PCSK5: variants seen among roughly 807,000 people sequenced by gnomAD.
PCSK5 encodes the protein prohormone convertase 5.
Under a neutral mutation model 233.2 loss-of-function variants are expected in PCSK5, and 129 were observed. The ratio of observed to expected loss-of-function variants is 0.55; its 90% CI spans 0.48 to 0.64. The LOEUF (loss-of-function observed/expected upper bound fraction) is 0.64, where lower values mean the gene tolerates loss of function less well. Among genes scored for constraint, PCSK5 ranks in the 30% least tolerant of loss-of-function variants. The pLI, the probability that PCSK5 is intolerant of heterozygous loss-of-function variation, is 0.00. For missense variants in PCSK5, 2,076 were observed against 2,430.1 expected (o/e 0.85, Z 3.06); for synonymous variants, 825 against 879.2 (o/e 0.94, Z 1.09).
At chr9:76,315,014 G>A (rs1348266931) in intron 30 of PCSK5, among the ~76,000 whole-genome samples, 1 of 151,072 alleles carries the variant, frequency 6.6e-6, no homozygotes, top group African/African-American at 2.4e-5. Context: ...AGGCAATGGC[G>A]CCATCTCAGC....
intron 2 of PCSK5, among the ~76,000 whole-genome samples, chr9:75,935,831 A>G (rs1434989571): frequency 6.6e-6 from 1 of 152,206 alleles, no homozygotes; most frequent in Non-Finnish European, 1.5e-5. Context: ...TGTTCTTCTC[A>G]GTACATCAGA....
At chr9:76,233,728 C>A in intron 22 of PCSK5, 132 bp downstream of exon 22, 1 of 786,442 alleles carries the variant, frequency 1.3e-6, no homozygotes, top group Non-Finnish European at 2.0e-6. Context: ...CACTGGAGAG[C>A]GTGTACAACC....
intron 24 of PCSK5, among the ~76,000 whole-genome samples, chr9:76,273,926 G>C (rs956226750): frequency 2.7e-5 from 4 of 150,490 alleles, no homozygotes; most frequent in African/African-American, 9.8e-5. Flanking sequence ...GTGATTGCCA[G>C]CATGAGCCAC....
intron 37 of PCSK5, among the ~76,000 whole-genome samples, chr9:76,357,986 C>G (rs1411707562): frequency 6.6e-6 from 1 of 152,126 alleles, no homozygotes; most frequent in Admixed American, 6.5e-5. Flanking sequence ...TTAGCAATAA[C>G]TAAAGCTTAG....
chr9:76,046,155 C>CTTTT (rs1829362984), intron 5 of PCSK5, among the ~76,000 whole-genome samples: 23 of 55,710 alleles, frequency 4.1e-4, no homozygotes, highest in African/African-American at 8.8e-4. Context: ...ATAATTTTTT[C>CTTTT]TTTTGTTTTT....
chr9:76,098,032 A>T (rs146323968), intron 8 of PCSK5, among the ~76,000 whole-genome samples: 1 of 152,228 alleles, frequency 6.6e-6, no homozygotes, highest in Non-Finnish European at 1.5e-5. Flanking sequence ...CCCGCAGTCC[A>T]TAGGGGATAG....
chr9:76,352,140 C>T (rs1415368015), intron 36 of PCSK5, among the ~76,000 whole-genome samples: 2 of 152,128 alleles, frequency 1.3e-5, no homozygotes, highest in African/African-American at 4.8e-5. Flanking sequence ...TGCTGCTTGC[C>T]CATCTTTATG....
At chr9:75,915,186 C>T (rs1317624615) in intron 1 of PCSK5, among the ~76,000 whole-genome samples, 1 of 152,148 alleles carries the variant, frequency 6.6e-6, no homozygotes. Context: ...GATGCCTTTA[C>T]CCATGACTGC....
rs151064518 is a variant in PCSK5, at chr9:76,226,146, G to A, written c.2627-1357G>A. On this transcript the variant is annotated intron_variant, in intron 20 of 37. Coordinates refer to ENST00000674117, the MANE Select transcript of PCSK5 (RefSeq NM_001372043.1). Reference sequence around the variant, plus strand: ...AGGAACAGAGCCCGGGGTGTGCAGGGTGTGCTGTGATTAGATGTTTGCATC... The same window carrying A: ...AGGAACAGAGCCCGGGGTGTGCAGGATGTGCTGTGATTAGATGTTTGCATC... Among the ~76,000 whole-genome samples the A allele has an allele frequency of 7.1e-3, 1,085 of 152,258 alleles. 7 individuals are homozygous for A. The highest frequency in any genetic ancestry group is 0.01 in the Non-Finnish European group (696 of 68,020).
chr9:76,148,971 G>T (rs1823560971), intron 10 of PCSK5, among the ~76,000 whole-genome samples: 1 of 152,066 alleles, frequency 6.6e-6, no homozygotes, highest in Non-Finnish European at 1.5e-5. Flanking sequence ...AAATATTCTG[G>T]TCTCATTACC....
At chr9:75,965,868 G>C (rs565124395) in intron 2 of PCSK5, among the ~76,000 whole-genome samples, 1 of 152,282 alleles carries the variant, frequency 6.6e-6, no homozygotes, top group Non-Finnish European at 1.5e-5. Context: ...TTCTTGGGAA[G>C]AACAATATCC....
intron 3 of PCSK5, among the ~76,000 whole-genome samples, chr9:75,994,469 G>GGCTGGAAT (rs1826924104): frequency 7.9e-6 from 1 of 126,360 alleles, no homozygotes; most frequent in Non-Finnish European, 1.6e-5. Context: ...CTGTCGCCCA[G>GGCTGGAAT]GCTGGAATGC....
intron 12 of PCSK5, among the ~76,000 whole-genome samples, chr9:76,162,570 GAAGGAATTT>G (rs1309507308): frequency 6.6e-6 from 1 of 152,158 alleles, no homozygotes; most frequent in Non-Finnish European, 1.5e-5. Context: ...TCAGGTTTTA[GAAGGAATTT>G]GCCAGAGATG....
At chr9:76,015,461 G>A (rs1827910388) in intron 3 of PCSK5, among the ~76,000 whole-genome samples, 1 of 152,116 alleles carries the variant, frequency 6.6e-6, no homozygotes, top group African/African-American at 2.4e-5. Flanking sequence ...ATTGATTTAT[G>A]AATGATTATT....
At position 75,942,760 on chromosome 9, in the gene PCSK5, A is replaced by G. The variant is rs541754502; in HGVS notation, c.297+10277A>G. Among the ~76,000 whole-genome samples the G allele has an allele frequency of 4.6e-5, 7 of 152,270 alleles. No homozygotes were observed. In the East Asian group the frequency reaches 5.8e-4, roughly 13 times the overall value. ...AAAAGTGACGGCCATAAAAATAGGAAAAGAGTATGATGAGGGGAGGCAGGT... is the reference window on the plus strand; with the variant it reads ...AAAAGTGACGGCCATAAAAATAGGAGAAGAGTATGATGAGGGGAGGCAGGT... On this transcript the variant is annotated intron_variant, in intron 2 of 37. Coordinates refer to ENST00000674117, the MANE Select transcript of PCSK5 (RefSeq NM_001372043.1).
intron 9 of PCSK5, among the ~76,000 whole-genome samples, chr9:76,112,341 A>G (rs1587643283): frequency 6.6e-6 from 1 of 152,168 alleles, no homozygotes; most frequent in African/African-American, 2.4e-5. Context: ...CTTACATTTC[A>G]TATCTCAGAG....
chr9:76,001,525 G>A (rs1012576435), intron 3 of PCSK5, among the ~76,000 whole-genome samples: 21 of 126,594 alleles, frequency 1.7e-4, no homozygotes, highest in African/African-American at 6.1e-4. Flanking sequence ...CTCTACTGTC[G>A]TTGGAAGGTT....
At chr9:76,159,313 T>G in intron 12 of PCSK5, 142 bp downstream of exon 12, 1 of 682,486 alleles carries the variant, frequency 1.5e-6, no homozygotes, top group Non-Finnish European at 2.4e-6. Context: ...TCACTGCTCA[T>G]AAGTAGAGAG....
intron 20 of PCSK5, among the ~76,000 whole-genome samples, chr9:76,201,668 G>A (rs1824920329): frequency 6.6e-6 from 1 of 152,176 alleles, no homozygotes; most frequent in African/African-American, 2.4e-5. Flanking sequence ...GTGTGAACAA[G>A]GCAGGAGTCA....
Sources: gnomAD v4.1 joint callset for allele counts (sites outside exome capture counted in the v4.1 genomes callset) on GRCh38, gnomAD v4.1.1 for gene constraint, MANE v1.5 for transcripts, NCBI Gene and HGNC (gene_info 2026-07-23, HGNC 2026-07-21) for gene names.